SLIT3: variants seen among roughly 807,000 people sequenced by gnomAD.
SLIT3 encodes the protein slit guidance ligand 3, also known as slit homolog 3 protein.
A neutral mutation model predicts 184.0 loss-of-function variants in SLIT3; 68 were observed. The observed-to-expected ratio is 0.37, with a 90% confidence interval of 0.30 to 0.45. The LOEUF (loss-of-function observed/expected upper bound fraction) is 0.45. SLIT3 is among the 20% of genes least tolerant of loss of function. The pLI is 1.00. For missense variants in SLIT3, 1,707 were observed against 2,026.0 expected, an observed-to-expected ratio of 0.84 and a Z score of 3.02; for synonymous variants, 831 against 828.6, an observed-to-expected ratio of 1.00 and a Z score of -0.05.
rs757423114 is a variant in SLIT3, at chr5:168,772,892, C to G, written c.1348G>C (p.Asp450His). ...TCGATGGGGTTGTCCTGGAGGTAGT[C>G]GGCCAGCCACTTCAAGTGGCAGTCG... ...VCDCHLKWLA[D>H]YLQDNPIETS... is the part of the protein sequence containing the mutation. Residue 450 changes from aspartate to histidine, a missense_variant, in exon 14 of 36, where the codon GAC becomes CAC. Around this residue, in one of 3 missense-constraint regions of SLIT3, gnomAD observed 1,307 missense variants for 1,511.6 expected, o/e 0.86. Coordinates refer to ENST00000519560, the MANE Select transcript of SLIT3 (RefSeq NM_003062.4). 3.1e-6 allele frequency: 5 copies of G among 1,613,094 alleles called. No individual in the cohort carries two copies. The highest frequency in any genetic ancestry group is 1.1e-5 in the South Asian group (1 of 90,964).
chr5:169,137,774 C>T (rs1260019363), intron 4 of SLIT3, among the ~76,000 whole-genome samples: 2 of 152,024 alleles, frequency 1.3e-5, no homozygotes, highest in South Asian at 2.1e-4. Flanking sequence ...GGGGTTCCCA[C>T]GATGTGAGAC....
intron 3 of SLIT3, among the ~76,000 whole-genome samples, chr5:169,207,189 C>A (rs532955348): frequency 5.3e-4 from 81 of 152,086 alleles, no homozygotes; most frequent in Non-Finnish European, 3.2e-4. Flanking sequence ...TTCCACATCC[C>A]AACCACAGCT....
In SLIT3 at chr5:169,209,947, A is replaced by T. The variant is rs529646387; in HGVS notation, c.342-16397T>A. On this transcript the variant is annotated intron_variant, in intron 3 of 35. Transcript: ENST00000519560. Reference sequence around the variant, plus strand: ...GTATACCAGAACTTAAAGTATAATAAAAAAAAATTATAAAATTCAATGTCT... The same window carrying T: ...GTATACCAGAACTTAAAGTATAATATAAAAAAATTATAAAATTCAATGTCT... Among the ~76,000 whole-genome samples the T allele has an allele frequency of 3.1e-3, 264 of 84,706 alleles. 1 individual carries two copies. Among genetic ancestry groups the T allele is most frequent in the African/African-American group, 0.012 (252 of 21,606 alleles). 55.6% of individuals were successfully genotyped at this position (84,706 alleles called of 152,430 possible).
At chr5:169,121,048 G>A (rs1331077919) in intron 4 of SLIT3, among the ~76,000 whole-genome samples, 1 of 152,138 alleles carries the variant, frequency 6.6e-6, no homozygotes, top group Non-Finnish European at 1.5e-5. Flanking sequence ...AGTTAGAGAG[G>A]TATTAAATGG....
At chr5:169,015,399 C>T (rs764148411) in intron 4 of SLIT3, among the ~76,000 whole-genome samples, 6 of 152,168 alleles carry the variant, frequency 3.9e-5, no homozygotes, top group African/African-American at 7.2e-5. Flanking sequence ...GTTCCAGGAG[C>T]CACTCAGCAA....
rs370000540 is a variant in SLIT3 at position 168,948,631 on chromosome 5, A to AT, written c.414-65296dup. 6.5e-3 allele frequency among the ~76,000 whole-genome samples: 987 copies of AT among 152,174 alleles called. 19 individuals carry two copies. Among genetic ancestry groups the AT allele is most frequent in the African/African-American group, 0.023 (951 of 41,518 alleles). On this transcript the variant is annotated intron_variant, in intron 4 of 35. Transcript: ENST00000519560. ...ATGCAGGGCTGAGAATTTCAATTGTATTTTTTTCCCCCATTAGCAGTTGTT... is the reference window on the plus strand; with the variant it reads ...ATGCAGGGCTGAGAATTTCAATTGTATTTTTTTTCCCCCATTAGCAGTTGTT...
intron 4 of SLIT3, among the ~76,000 whole-genome samples, chr5:169,050,604 T>G (rs995131272): frequency 1.3e-5 from 2 of 152,306 alleles, no homozygotes; most frequent in African/African-American, 4.8e-5. Flanking sequence ...CTTATGAAAT[T>G]TATAGTCAAA....
intron 4 of SLIT3, among the ~76,000 whole-genome samples, chr5:169,189,463 G>A (rs1473575623): frequency 6.9e-6 from 1 of 144,806 alleles, no homozygotes; most frequent in African/African-American, 2.6e-5. Context: ...CATGATTGTT[G>A]TGATGGTTAA....
intron 4 of SLIT3, among the ~76,000 whole-genome samples, chr5:168,890,899 T>C (rs1205326078): frequency 6.6e-6 from 1 of 152,186 alleles, no homozygotes; most frequent in African/African-American, 2.4e-5. Context: ...TTAAACAAGT[T>C]TGAGAACCAT....
intron 3 of SLIT3, among the ~76,000 whole-genome samples, chr5:169,214,539 G>A (rs553867408): frequency 2.6e-5 from 4 of 152,292 alleles, no homozygotes; most frequent in South Asian, 2.1e-4. Context: ...GGGGAGGTGC[G>A]GCAAATCCGT....
intron 26 of SLIT3, among the ~76,000 whole-genome samples, chr5:168,706,275 C>G (rs571726783): frequency 6.6e-6 from 1 of 151,682 alleles, no homozygotes; most frequent in Non-Finnish European, 1.5e-5. Flanking sequence ...TTGATTCTTA[C>G]GGCAAACCTA....
intron 6 of SLIT3, among the ~76,000 whole-genome samples, chr5:168,842,543 G>A (rs1053536782): frequency 2.7e-5 from 4 of 147,528 alleles, no homozygotes; most frequent in African/African-American, 7.8e-5. Context: ...CTTGATGGGG[G>A]TGAGGGTGTA....
intron 23 of SLIT3, among the ~76,000 whole-genome samples, chr5:168,713,027 C>T (rs545172023): frequency 6.6e-5 from 10 of 152,284 alleles, no homozygotes; most frequent in African/African-American, 1.2e-4. Flanking sequence ...TAGTTTCCTT[C>T]GTATTTACCT....
intron 5 of SLIT3, among the ~76,000 whole-genome samples, chr5:168,854,083 G>A (rs1479045649): frequency 6.6e-6 from 1 of 152,124 alleles, no homozygotes; most frequent in African/African-American, 2.4e-5. Flanking sequence ...CAAAAAAGGA[G>A]CTCGGCTAGT....
intron 4 of SLIT3, among the ~76,000 whole-genome samples, chr5:169,122,530 T>C (rs1029931305): frequency 6.6e-6 from 1 of 152,164 alleles, no homozygotes; most frequent in Non-Finnish European, 1.5e-5. Flanking sequence ...TGTTTCTGGC[T>C]TACAGGCAGT....
intron 6 of SLIT3, among the ~76,000 whole-genome samples, chr5:168,830,677 A>T (rs1308419512): frequency 8.5e-5 from 13 of 152,192 alleles, no homozygotes; most frequent in Admixed American, 8.5e-4. Context: ...AACACTCCTG[A>T]GATATTATTA....
rs1244296801 is a variant in SLIT3 at position 168,861,495 on chromosome 5, A to G, written c.486-16840T>C. Among the ~76,000 whole-genome samples, 6 of 148,596 alleles carry G rather than the reference A, an allele frequency of 4.0e-5. No homozygotes were observed. The East Asian group carries it at 1.0e-3, about 25-fold the overall frequency. The stretch of plus-strand genomic sequence containing the variant: ...GAATTGCATGCTAGCCAAACCACTT[A>G]TTATAAAAGCACATCTCATACCTGC... On this transcript the variant is annotated intron_variant, in intron 5 of 35. Coordinates refer to ENST00000519560, the MANE Select transcript of SLIT3 (RefSeq NM_003062.4).
At chr5:168,729,321 A>G (rs1763226873) in intron 20 of SLIT3, among the ~76,000 whole-genome samples, 1 of 152,322 alleles carries the variant, frequency 6.6e-6, no homozygotes, top group Non-Finnish European at 1.5e-5. Flanking sequence ...TGCAAAAAGG[A>G]TATCTCTATA....
chr5:169,105,462 A>G (rs295996), intron 4 of SLIT3, among the ~76,000 whole-genome samples: 11,412 of 152,300 alleles, frequency 0.075, 487 homozygotes, highest in East Asian at 0.14. Flanking sequence ...CAGACACGCC[A>G]TGATGACTGT....
Sources: allele counts gnomAD v4.1 joint callset (sites outside exome capture counted in the v4.1 genomes callset), GRCh38; gene constraint gnomAD v4.1.1; regional missense constraint gnomAD v4.1.1; transcripts MANE v1.5; gene names NCBI Gene and HGNC (gene_info 2026-07-23, HGNC 2026-07-21).